NTRK3: variants seen among roughly 807,000 people sequenced by gnomAD.
NTRK3 encodes the protein NT-3 growth factor receptor.
In NTRK3, 24 loss-of-function variants were observed where a neutral mutation model predicts 91.7. That is an observed-to-expected ratio of 0.26 (90% CI 0.19 to 0.37). NTRK3 has a LOEUF of 0.37. NTRK3 is among the 10% of genes least tolerant of loss of function. NTRK3 has a pLI of 1.00. For missense variants in NTRK3, 880 were observed against 1,068.9 expected (o/e 0.82, Z 2.46); for synonymous variants, 483 against 404.0 (o/e 1.20, Z -2.34).
At chr15:87,938,217 G>T (rs764467671) in intron 15 of NTRK3, among the ~76,000 whole-genome samples, 2 of 152,194 alleles carry the variant, frequency 1.3e-5, no homozygotes, top group Non-Finnish European at 2.9e-5. Flanking sequence ...TTAAAAATAG[G>T]CTGTGGTTTC....
intron 14 of NTRK3, among the ~76,000 whole-genome samples, chr15:87,986,957 A>C (rs937337082): frequency 1.3e-5 from 2 of 152,268 alleles, no homozygotes; most frequent in African/African-American, 4.8e-5. Flanking sequence ...AAAATAGGCA[A>C]GAGCCAGATT....
chr15:87,906,755 A>C (rs2066791389), intron 17 of NTRK3, among the ~76,000 whole-genome samples: 1 of 152,162 alleles, frequency 6.6e-6, no homozygotes, highest in South Asian at 2.1e-4. Flanking sequence ...CACACACACA[A>C]CACTAACTAC....
At chr15:87,895,056 T>C (rs2066044214) in intron 17 of NTRK3, among the ~76,000 whole-genome samples, 1 of 152,158 alleles carries the variant, frequency 6.6e-6, no homozygotes, top group African/African-American at 2.4e-5. Flanking sequence ...GCTCCTCAAA[T>C]CCAAGTTTCT....
intron 14 of NTRK3, among the ~76,000 whole-genome samples, chr15:87,957,081 C>T (rs1422602374): frequency 6.6e-6 from 1 of 152,112 alleles, no homozygotes; most frequent in Non-Finnish European, 1.5e-5. Flanking sequence ...TGTCTGGGAT[C>T]AAATCCAGCC....
At chr15:88,199,316 C>G (rs537195059) in intron 3 of NTRK3, among the ~76,000 whole-genome samples, 1 of 152,198 alleles carries the variant, frequency 6.6e-6, no homozygotes, top group Non-Finnish European at 1.5e-5. Flanking sequence ...CTCATCATGT[C>G]GTCCGGTACT....
rs374170655 is a variant in NTRK3 at position 87,916,849 on chromosome 15, C to T, written c.2133+12342G>A. Among the ~76,000 whole-genome samples the T allele has an allele frequency of 5.5e-4, 83 of 150,840 alleles. 2 individuals are homozygous for T. The South Asian group carries it at 0.017, about 31-fold the overall frequency. On this transcript the variant is annotated intron_variant, in intron 17 of 18. Transcript: ENST00000394480. Reference sequence around the variant, plus strand: ...TGATCTCGGCTCACTGCAACCTCTGCCTTCTGGGTTCAAGTGATTCTCCTG... The same window carrying T: ...TGATCTCGGCTCACTGCAACCTCTGTCTTCTGGGTTCAAGTGATTCTCCTG...
At chr15:87,864,119 C>T (rs1233291563) in exon 19 of NTRK3, 1 of 232,728 alleles carries the variant, frequency 4.3e-6, no homozygotes, top group Admixed American at 5.6e-5. Flanking sequence ...TATTTTCTTT[C>T]ACATTCAGAG....
At chr15:87,998,106 C>T (rs2075835765) in intron 14 of NTRK3, among the ~76,000 whole-genome samples, 1 of 152,166 alleles carries the variant, frequency 6.6e-6, no homozygotes, top group Non-Finnish European at 1.5e-5. Flanking sequence ...AGCAGTATCC[C>T]TGGTCTCTCC....
intron 14 of NTRK3, among the ~76,000 whole-genome samples, chr15:87,956,521 G>A (rs1567151133): frequency 6.6e-6 from 1 of 151,910 alleles, no homozygotes; most frequent in African/African-American, 2.4e-5. Context: ...TGATCCACCC[G>A]CCTAAGCCTC....
chr15:88,003,398 T>A (rs563132190), intron 14 of NTRK3, among the ~76,000 whole-genome samples: 1 of 152,342 alleles, frequency 6.6e-6, no homozygotes, highest in East Asian at 1.9e-4. Context: ...TTGACTGGCA[T>A]GATCTGAGAG....
chr15:88,126,235 C>T (rs2053271308), intron 13 of NTRK3, 36 bp downstream of exon 13: 2 of 1,419,986 alleles, frequency 1.4e-6, no homozygotes, highest in South Asian at 1.2e-5. Context: ...AATGTTTCCC[C>T]CCATGACGCC....
At chr15:88,076,517 T>C (rs2047555598) in intron 13 of NTRK3, among the ~76,000 whole-genome samples, 1 of 152,140 alleles carries the variant, frequency 6.6e-6, no homozygotes, top group South Asian at 2.1e-4. Flanking sequence ...CCTTCATTGA[T>C]GGTTTCATTT....
chr15:88,146,843 C>T (rs555844457), intron 6 of NTRK3, among the ~76,000 whole-genome samples: 3 of 152,272 alleles, frequency 2.0e-5, no homozygotes, highest in East Asian at 1.9e-4. Context: ...CCCAGCTTGG[C>T]TAGGCCCTAG....
chr15:88,198,628 C>T (rs952009900), intron 3 of NTRK3, among the ~76,000 whole-genome samples: 1 of 152,216 alleles, frequency 6.6e-6, no homozygotes, highest in Non-Finnish European at 1.5e-5. Context: ...GCATAAATTC[C>T]TTGACAACAA....
At chr15:87,908,817 G>C (rs1309816349) in intron 17 of NTRK3, among the ~76,000 whole-genome samples, 1 of 152,018 alleles carries the variant, frequency 6.6e-6, no homozygotes, top group Non-Finnish European at 1.5e-5. Flanking sequence ...GGCACTCGGG[G>C]CTCCACCAGC....
intron 17 of NTRK3, among the ~76,000 whole-genome samples, chr15:87,920,160 T>G (rs1356670421): frequency 6.6e-6 from 1 of 152,180 alleles, no homozygotes; most frequent in Non-Finnish European, 1.5e-5. Flanking sequence ...ACTTTTGTAT[T>G]CCAAAGTGAC....
chr15:87,909,534 T>C (rs1257830079), intron 17 of NTRK3, among the ~76,000 whole-genome samples: 1 of 152,094 alleles, frequency 6.6e-6, no homozygotes, highest in Non-Finnish European at 1.5e-5. Flanking sequence ...TGCTGAGTGC[T>C]GATGGCAGGG....
At chr15:87,876,622 T>C (rs960722773) in exon 19 of NTRK3, 3 of 216,074 alleles carry the variant, frequency 1.4e-5, no homozygotes, top group African/African-American at 6.8e-5. Context: ...TTCTGAGTTG[T>C]TAAAGTCTTG....
chr15:88,096,810 A>T (rs559656948), intron 13 of NTRK3, among the ~76,000 whole-genome samples: 2 of 152,016 alleles, frequency 1.3e-5, no homozygotes, highest in South Asian at 4.2e-4. Context: ...CAATCCACTC[A>T]CTGTCACGCT....
Sources: gnomAD v4.1 joint callset for allele counts (sites outside exome capture counted in the v4.1 genomes callset) on GRCh38, gnomAD v4.1.1 for gene constraint, MANE v1.5 for transcripts, NCBI Gene and HGNC (gene_info 2026-07-23, HGNC 2026-07-21) for gene names.